Variants in SORCS1 observed in about 807,000 individuals in gnomAD.
SORCS1 encodes the protein VPS10 domain-containing receptor SorCS1.
In SORCS1, 60 loss-of-function variants were observed where a neutral mutation model predicts 146.1. That is an observed-to-expected ratio of 0.41 (90% CI 0.33 to 0.51). The LOEUF (loss-of-function observed/expected upper bound fraction) is 0.51. Ranked by LOEUF, SORCS1 falls within the 20% of genes least tolerant of loss-of-function variation. The pLI, the probability that SORCS1 is intolerant of heterozygous loss-of-function variation, is 0.21. For missense variants in SORCS1, 1,352 were observed against 1,487.6 expected (o/e 0.91, Z 1.50); for synonymous variants, 637 against 584.0 (o/e 1.09, Z -1.31).
rs577643076 is a variant in SORCS1 at position 107,002,072 on chromosome 10, C to T, written c.559-45492G>A. The stretch of plus-strand genomic sequence containing the variant: ...TGTGTTACACAGCAAATGAACACAG[C>T]GAAGACCACTGAATTTGTATGCCAA... On this transcript the variant is annotated intron_variant, in intron 1 of 25. Coordinates refer to ENST00000263054, the MANE Select transcript of SORCS1 (RefSeq NM_052918.5). 3.9e-5 allele frequency among the ~76,000 whole-genome samples: 6 copies of T among 152,188 alleles called. No homozygotes were observed. In the East Asian group the frequency reaches 5.8e-4, roughly 15 times the overall value.
At chr10:106,735,289 T>G (rs1856872606) in intron 5 of SORCS1, among the ~76,000 whole-genome samples, 1 of 152,184 alleles carries the variant, frequency 6.6e-6, no homozygotes. Context: ...TACAATTCAA[T>G]TATTTATTCA....
intron 5 of SORCS1, among the ~76,000 whole-genome samples, chr10:106,744,087 C>A: frequency 6.6e-6 from 1 of 151,992 alleles, no homozygotes; most frequent in East Asian, 1.9e-4. Flanking sequence ...TAATATCTAT[C>A]GTTTTACTTT....
chr10:106,716,738 TAAC>T (rs1855400494), intron 6 of SORCS1, among the ~76,000 whole-genome samples: 1 of 152,200 alleles, frequency 6.6e-6, no homozygotes, highest in African/African-American at 2.4e-5. Flanking sequence ...TCTTCATTGA[TAAC>T]AGCAGCAGCA....
intron 2 of SORCS1, among the ~76,000 whole-genome samples, chr10:106,851,244 G>C (rs1018670318): frequency 6.6e-6 from 1 of 152,070 alleles, no homozygotes; most frequent in Non-Finnish European, 1.5e-5. Context: ...TGTGACTTTG[G>C]TCTTGTATGT....
chr10:107,041,765 G>GC (rs1270860684), intron 1 of SORCS1, among the ~76,000 whole-genome samples: 2 of 152,116 alleles, frequency 1.3e-5, no homozygotes, highest in East Asian at 3.9e-4. Flanking sequence ...AGGGGCTAAG[G>GC]CACTACATTT....
At chr10:106,709,008 A>G (rs1854748442) in intron 7 of SORCS1, among the ~76,000 whole-genome samples, 1 of 152,150 alleles carries the variant, frequency 6.6e-6, no homozygotes, top group Non-Finnish European at 1.5e-5. Flanking sequence ...ACACAGCCCA[A>G]AGAAATTCAT....
intron 1 of SORCS1, among the ~76,000 whole-genome samples, chr10:106,962,639 C>A (rs560692651): frequency 6.6e-6 from 1 of 152,240 alleles, no homozygotes; most frequent in South Asian, 2.1e-4. Flanking sequence ...TGACTAGGTC[C>A]TAGTCTATAA....
At chr10:107,027,582 T>C (rs1217028085) in intron 1 of SORCS1, among the ~76,000 whole-genome samples, 1 of 152,118 alleles carries the variant, frequency 6.6e-6, no homozygotes, top group Non-Finnish European at 1.5e-5. Flanking sequence ...TCATAAACCA[T>C]TACACTCATC....
At chr10:107,130,343 TAATC>T (rs1434693586) in intron 1 of SORCS1, among the ~76,000 whole-genome samples, 1 of 152,240 alleles carries the variant, frequency 6.6e-6, no homozygotes, top group Non-Finnish European at 1.5e-5. Flanking sequence ...GAGCAACAAA[TAATC>T]AACATTTCTC....
chr10:106,963,110 A>AT (rs749174613), intron 1 of SORCS1, among the ~76,000 whole-genome samples: 2,400 of 76,170 alleles, frequency 0.032, 277 homozygotes, highest in African/African-American at 0.087. Context: ...AATGGCCAGA[A>AT]TTTTTTTTTT....
At position 106,610,924 on chromosome 10, in the gene SORCS1, G is replaced by A. The variant is rs571644660; in HGVS notation, c.3033+987C>T. ...TGACACCCGTCTCTACTTAAAATAC[G>A]AAAAAAATAGCTGGGCGTGGTGGCA... On this transcript the variant is annotated intron_variant, in intron 22 of 25. Coordinates refer to ENST00000263054, the MANE Select transcript of SORCS1 (RefSeq NM_052918.5). Among the ~76,000 whole-genome samples, 16 of 152,026 alleles carry A rather than the reference G, an allele frequency of 1.1e-4. No homozygotes were observed. In the South Asian group the frequency reaches 2.5e-3, roughly 24 times the overall value.
chr10:106,978,275 G>T (rs1342245750), intron 1 of SORCS1, among the ~76,000 whole-genome samples: 1 of 152,120 alleles, frequency 6.6e-6, no homozygotes, highest in Non-Finnish European at 1.5e-5. Context: ...AGCCTGGTGG[G>T]AGATCAGAAT....
intron 1 of SORCS1, among the ~76,000 whole-genome samples, chr10:107,079,877 T>C (rs1239713032): frequency 6.6e-6 from 1 of 152,216 alleles, no homozygotes; most frequent in Non-Finnish European, 1.5e-5. Context: ...CTCTTGCCTT[T>C]GGCTAGCTTA....
intron 1 of SORCS1, among the ~76,000 whole-genome samples, chr10:107,118,719 T>C (rs1032929269): frequency 5.9e-5 from 9 of 152,222 alleles, no homozygotes; most frequent in African/African-American, 2.2e-4. Context: ...TGAGGATACC[T>C]GCAATAGTAA....
At chr10:106,760,960 A>T (rs987946786) in intron 5 of SORCS1, among the ~76,000 whole-genome samples, 4 of 152,078 alleles carry the variant, frequency 2.6e-5, no homozygotes, top group Non-Finnish European at 5.9e-5. Context: ...TCCAAAAAGT[A>T]GCCAGGCATG....
chr10:107,168,132 G>A (rs935183530), upstream of SORCS1, among the ~76,000 whole-genome samples: 2 of 152,084 alleles, frequency 1.3e-5, no homozygotes, highest in Non-Finnish European at 2.9e-5. Flanking sequence ...AACCATTAGG[G>A]GCTATCCTTT....
the SORCS1 span, among the ~76,000 whole-genome samples, chr10:107,176,528 G>A: frequency 5.9e-5 from 9 of 151,696 alleles, no homozygotes; most frequent in Non-Finnish European, 1.3e-4. Flanking sequence ...GTAGAGACGG[G>A]GCCCCAGTAT....
intron 1 of SORCS1, among the ~76,000 whole-genome samples, chr10:107,133,310 T>C (rs1203718069): frequency 1.3e-5 from 2 of 152,096 alleles, no homozygotes; most frequent in Non-Finnish European, 2.9e-5. Context: ...TTGGTCTCCT[T>C]TCCAGTGAGC....
chr10:106,688,248 G>A lies in SORCS1; in HGVS notation c.1504C>T (p.Arg502Cys), dbSNP rs752958491. 5.8e-5 allele frequency: 93 copies of A among 1,613,910 alleles called. No individual in the cohort carries two copies. Among genetic ancestry groups the A allele is most frequent in the Admixed American group, 1.2e-4 (7 of 59,992 alleles). The change falls in exon 10 of 26, where the codon CGT (arginine) becomes TGT (cysteine). Residue 502 changes from arginine to cysteine, a missense_variant. Coordinates refer to ENST00000263054, the MANE Select transcript of SORCS1 (RefSeq NM_052918.5). ...FITYNKGRDW[R>C]LLQAPDTDLR... ...TCCGTGTCCGGCGCCTGCAGCAAAC[G>A]CCAGTCTCTGCCTTTGTTATATGTG...
Sources: allele counts gnomAD v4.1 joint callset (sites outside exome capture counted in the v4.1 genomes callset), GRCh38; gene constraint gnomAD v4.1.1; transcripts MANE v1.5; gene names NCBI Gene and HGNC (gene_info 2026-07-23, HGNC 2026-07-21).